GRIA3: variants seen among roughly 807,000 people sequenced by gnomAD.
GRIA3 encodes glutamate ionotropic receptor AMPA type subunit 3, also known as glutamate receptor 3.
A neutral mutation model predicts 63.0 loss-of-function variants in GRIA3; 3 were observed. That is an observed-to-expected ratio of 0.05 (90% confidence interval 0.02 to 0.12). The LOEUF (loss-of-function observed/expected upper bound fraction) is 0.12, where lower values mean the gene tolerates loss of function less well. Ranked by LOEUF, GRIA3 falls within the 10% of genes least tolerant of loss-of-function variation. The probability of loss-of-function intolerance (pLI) is 1.00; values close to 1 mark genes in which losing one functional copy is unlikely to be tolerated. For synonymous variants in GRIA3, 274 were observed against 257.9 expected, an observed-to-expected ratio of 1.06 and a Z score of -0.60; for missense variants, 347 against 700.9, an observed-to-expected ratio of 0.50 and a Z score of 5.70.
chrX:123,228,770 A>G (rs541815178), intron 2 of GRIA3, among the ~76,000 whole-genome samples: 10 of 111,531 alleles, frequency 9.0e-5, no homozygotes, highest in African/African-American at 2.6e-4. Context: ...CAAAGGCACA[A>G]ATCAGGCAGT....
At chrX:123,372,016 G>C (rs1472517819) in intron 5 of GRIA3, among the ~76,000 whole-genome samples, 1 of 111,848 alleles carries the variant, frequency 8.9e-6, no homozygotes, top group African/African-American at 3.2e-5. Flanking sequence ...GGAGGTCTCA[G>C]ATTCAAGTCT....
chrX:123,226,655 G>A (rs1443314989), intron 2 of GRIA3, among the ~76,000 whole-genome samples: 1 of 111,377 alleles, frequency 9.0e-6, no homozygotes, highest in Non-Finnish European at 1.9e-5. Context: ...TTTGGACTCT[G>A]AAAGAAAAAT....
At chrX:123,426,774 T>A (rs2045592061) in intron 11 of GRIA3, among the ~76,000 whole-genome samples, 1 of 112,498 alleles carries the variant, frequency 8.9e-6, no homozygotes, top group Non-Finnish European at 1.9e-5. Flanking sequence ...AACTTACCCA[T>A]CTTCTTTCCC....
At chrX:123,441,821 AACACACACAC>A (rs34401132) in intron 12 of GRIA3, among the ~76,000 whole-genome samples, 1 of 105,072 alleles carries the variant, frequency 9.5e-6, no homozygotes, top group African/African-American at 3.5e-5. Flanking sequence ...CCTTCCTCTG[AACACACACAC>A]ACACACACAC....
chrX:123,319,255 C>T (rs989329068), intron 3 of GRIA3, among the ~76,000 whole-genome samples: 8 of 111,732 alleles, frequency 7.2e-5, no homozygotes, highest in East Asian at 2.8e-4. Context: ...AGGAGCAATA[C>T]GCTATGCCAT....
At chrX:123,341,785 G>A (rs371462095) in intron 4 of GRIA3, among the ~76,000 whole-genome samples, 6 of 111,809 alleles carry the variant, frequency 5.4e-5, no homozygotes, top group African/African-American at 9.7e-5. Context: ...GGTTTATCAC[G>A]GAGTCTAAAG....
intron 12 of GRIA3, among the ~76,000 whole-genome samples, chrX:123,432,368 T>C (rs1430561637): frequency 8.9e-6 from 1 of 112,570 alleles, no homozygotes; most frequent in African/African-American, 3.2e-5. Context: ...TTAATCCTAA[T>C]GGAAAAGTTA....
intron 7 of GRIA3, among the ~76,000 whole-genome samples, chrX:123,400,886 C>T (rs1008700323): frequency 5.4e-5 from 6 of 112,008 alleles, no homozygotes; most frequent in African/African-American, 1.9e-4. Flanking sequence ...AAGATCAGCC[C>T]AGCACAGTCT....
At chrX:123,291,984 G>C (rs189083395) in intron 3 of GRIA3, among the ~76,000 whole-genome samples, 162 of 111,165 alleles carry the variant, frequency 1.5e-3, no homozygotes, top group African/African-American at 4.7e-3. Context: ...TTTGCCTCAG[G>C]CTAACCAGAA....
intron 3 of GRIA3, among the ~76,000 whole-genome samples, chrX:123,273,708 A>T (rs1438278182): frequency 6.3e-5 from 7 of 111,510 alleles, no homozygotes; most frequent in Admixed American, 3.8e-4. Context: ...TATGAACTTA[A>T]CTCTGGACTT....
intron 2 of GRIA3, among the ~76,000 whole-genome samples, chrX:123,195,196 T>G (rs1420235722): frequency 8.9e-6 from 1 of 112,475 alleles, no homozygotes; most frequent in East Asian, 2.8e-4. Flanking sequence ...ATCAACAAAT[T>G]TAAAACCAGA....
intron 12 of GRIA3, among the ~76,000 whole-genome samples, chrX:123,460,322 C>T (rs1300725808): frequency 1.8e-5 from 2 of 111,600 alleles, no homozygotes; most frequent in Non-Finnish European, 3.8e-5. Flanking sequence ...CTGAAGTCTC[C>T]CCTTCCTGGA....
intron 2 of GRIA3, among the ~76,000 whole-genome samples, chrX:123,234,269 C>T (rs2044291087): frequency 9.0e-6 from 1 of 111,403 alleles, no homozygotes; most frequent in Admixed American, 9.6e-5. Context: ...TTTCCAGCCA[C>T]TTCCATCATT....
rs5956524 is a variant in GRIA3, at chrX:123,207,885, A to G, written c.268+21895A>G. On this transcript the variant is annotated intron_variant, in intron 2 of 15. Coordinates refer to ENST00000620443, the MANE Select transcript of GRIA3 (RefSeq NM_007325.5). The stretch of plus-strand genomic sequence containing the variant: ...GCCCACATTTGAACCAGCCAAGTAT[A>G]TAGGGACTCCCTCCTGGAACACAAC... Among the ~76,000 whole-genome samples the G allele has an allele frequency of 9.5e-3, 1,063 of 111,665 alleles. 17 individuals carry two copies. Among genetic ancestry groups the G allele is most frequent in the African/African-American group, 0.031 (954 of 30,727 alleles).
At chrX:123,321,680 G>A (rs1185454553) in intron 3 of GRIA3, among the ~76,000 whole-genome samples, 1 of 112,036 alleles carries the variant, frequency 8.9e-6, no homozygotes, top group African/African-American at 3.2e-5. Context: ...TTGTATATTT[G>A]AGAACTTTTT....
intron 12 of GRIA3, among the ~76,000 whole-genome samples, chrX:123,463,627 A>AGGGAGGGAGG: frequency 2.9e-5 from 1 of 34,053 alleles, no homozygotes; most frequent in African/African-American, 2.0e-4. Context: ...AAAGAAAGAA[A>AGGGAGGGAGG]GAAAGAAAGA....
rs2045945558 is a variant in GRIA3, at chrX:123,487,016, G to A, written c.*3-1697G>A. Among the ~76,000 whole-genome samples, 3 of 112,048 alleles carry A rather than the reference G, an allele frequency of 2.7e-5. No individual in the cohort carries two copies. In the South Asian group the frequency reaches 1.1e-3, roughly 42 times the overall value. On this transcript the variant is annotated intron_variant, in intron 15 of 15. Coordinates refer to ENST00000620443, the MANE Select transcript of GRIA3 (RefSeq NM_007325.5). ...TTTCTATGGGTGATAGTCACATCAGGATTACTGGGCTTATTGTGGGAACAT... is the reference window on the plus strand; with the variant it reads ...TTTCTATGGGTGATAGTCACATCAGAATTACTGGGCTTATTGTGGGAACAT...
At chrX:123,408,298 C>T (rs539366091) in intron 10 of GRIA3, among the ~76,000 whole-genome samples, 9 of 111,319 alleles carry the variant, frequency 8.1e-5, no homozygotes, top group Middle Eastern at 9.3e-3. Context: ...CCAGGTTATC[C>T]GATGTGAGCT....
intron 3 of GRIA3, among the ~76,000 whole-genome samples, chrX:123,264,577 A>G (rs2044477312): frequency 8.9e-6 from 1 of 112,040 alleles, no homozygotes; most frequent in South Asian, 3.7e-4. Flanking sequence ...CCACCCTTCC[A>G]TGGAGACTGG....
Sources: gnomAD v4.1 joint callset for allele counts (sites outside exome capture counted in the v4.1 genomes callset) on GRCh38, gnomAD v4.1.1 for gene constraint, MANE v1.5 for transcripts, NCBI Gene and HGNC (gene_info 2026-07-23, HGNC 2026-07-21) for gene names.